The following SLC25A1 variants were observed in gnomAD, a reference collection of about 807,000 sequenced individuals.
SLC25A1 encodes solute carrier family 25 member 1.
In SLC25A1, 26 loss-of-function variants were observed where a neutral mutation model predicts 38.1. That is an observed-to-expected ratio of 0.68 (90% CI 0.50 to 0.95). The LOEUF (loss-of-function observed/expected upper bound fraction) is 0.95, where lower values mean the gene tolerates loss of function less well. Among genes scored for constraint, SLC25A1 ranks in the 40% least tolerant of loss-of-function variants. The pLI, the probability that SLC25A1 is intolerant of heterozygous loss-of-function variation, is 0.00. For missense variants in SLC25A1, 378 were observed against 426.6 expected (o/e 0.89, Z 1.00); for synonymous variants, 211 against 183.2 (o/e 1.15, Z -1.23).
At position 19,177,970 on chromosome 22, in the gene SLC25A1, A is replaced by G. The variant is rs782589426; in HGVS notation, c.274T>C (p.Tyr92His). ...GLYRGLSSLL[Y>H]GSIPKAAVRF... ...ACGGCCGCCTTGGGGATGGAACCGT[A>G]GAGCAGGGAGCTAAGGCCGCGGTAC... The change falls in exon 3 of 9, where the codon TAC becomes CAC. Residue 92 changes from tyrosine (Y) to histidine (H), a missense_variant. Tyr to His is a moderately conservative substitution (Grantham distance 83). Coordinates refer to ENST00000215882, the MANE Select transcript of SLC25A1 (RefSeq NM_005984.5). The G allele has an allele frequency of 6.2e-7, 1 of 1,604,328 alleles. No individual in the cohort carries two copies. The highest frequency in any genetic ancestry group is 1.7e-5 in the Admixed American group (1 of 58,804).
At chr22:19,176,526 C>A (rs782262681) in intron 7 of SLC25A1, 32 bp from the exon 8 acceptor site, 1 of 1,612,852 alleles carries the variant, frequency 6.2e-7, no homozygotes, top group South Asian at 1.1e-5. Context: ...AGGGGCTCAG[C>A]AGCTAGCTCT....
chr22:19,177,887 G>A, intron 3 of SLC25A1, 22 bp from the exon 4 acceptor site: 1 of 1,589,644 alleles, frequency 6.3e-7, no homozygotes, highest in Non-Finnish European at 8.5e-7. Context: ...AGGCGGGTGA[G>A]AGGGGCTGCC....
Position 19,176,885 on chromosome 22 carries a change from G to A in SLC25A1, c.592C>T (p.Arg198Cys), listed in dbSNP as rs374948045. ...CGCAGGGAGGTCATGACGAAGAAGC[G>A]GATGGCCTGGTTCGAGCCCTGCTTC... ...VLKQGSNQAI[R>C]FFVMTSLRNW... Residue 198 changes from arginine (R) to cysteine (C), a missense_variant, in exon 6 of 9, where the codon CGC (arginine) becomes TGC (cysteine). Coordinates refer to ENST00000215882, the MANE Select transcript of SLC25A1 (RefSeq NM_005984.5). 4.3e-6 allele frequency: 7 copies of A among 1,613,762 alleles called. No individual in the cohort carries two copies. The African/African-American group carries it at 5.3e-5, about 12-fold the overall frequency.
Position 19,178,415 on chromosome 22 carries a change from G to A in SLC25A1, c.94+165C>T. 7.2e-7 allele frequency: 1 copy of A among 1,380,096 alleles called. No homozygotes were observed. The highest frequency in any genetic ancestry group is 9.3e-7 in the Non-Finnish European group (1 of 1,072,106). The allele number at this position is 1,380,096 out of a possible 1,614,324, so 85.5% of individuals were successfully genotyped here. A position where few individuals can be genotyped will look rare whatever the true frequency, so the allele number is the denominator to read the frequency against. ...GTTGTCCCGGCGAGGCGCAGGGGGT[G>A]ACAGACGGGAGGCGGGCGAGTCCCA... On this transcript the variant is annotated intron_variant, in intron 1 of 8. Coordinates refer to ENST00000215882, the MANE Select transcript of SLC25A1 (RefSeq NM_005984.5). The surrounding 1 kb of genome is among the most constrained non-coding windows in gnomAD (Gnocchi z 4.9).
intron 4 of SLC25A1, 45 bp downstream of exon 4, chr22:19,177,682 C>T (rs1162788250): frequency 4.4e-6 from 7 of 1,599,984 alleles, no homozygotes; most frequent in African/African-American, 2.7e-5. Flanking sequence ...CCGCCCGTCT[C>T]CGTACTCCCT....
chr22:19,175,586 C>T lies in SLC25A1; in HGVS notation c.*544G>A. 1 of 187,408 alleles carries T rather than the reference C, an allele frequency of 5.3e-6. No homozygotes were observed. The highest frequency in any genetic ancestry group is 1.1e-5 in the Non-Finnish European group (1 of 89,558). 11.6% of individuals were successfully genotyped at this position (187,408 alleles called of 1,614,324 possible). A position where few individuals can be genotyped will look rare whatever the true frequency, so the allele number is the denominator to read the frequency against. Reference sequence around the variant, plus strand: ...ACGAACACAGGACAGGAGGCTGCAACAGGATCCGGTTTATTCTGCCTTGGC... The same window carrying T: ...ACGAACACAGGACAGGAGGCTGCAATAGGATCCGGTTTATTCTGCCTTGGC... On this transcript the variant is annotated 3_prime_UTR_variant, in exon 9 of 9. Coordinates refer to ENST00000215882, the MANE Select transcript of SLC25A1 (RefSeq NM_005984.5).
rs11704767 is a variant in SLC25A1 at position 19,178,054 on chromosome 22, G to T, written c.203-13C>A. On this transcript the variant is annotated splice_polypyrimidine_tract_variant and intron_variant, in intron 2 of 8. Coordinates refer to ENST00000215882, the MANE Select transcript of SLC25A1 (RefSeq NM_005984.5). The surrounding 1 kb of genome is among the most constrained non-coding windows in gnomAD (Gnocchi z 4.9). ...CGCACGCAGTCCCCTGGGGGAGGGG[G>T]CGGTCAGGACCCCACGGCCCTCGGT... The T allele has an allele frequency of 6.4e-6, 10 of 1,574,772 alleles. No homozygotes were observed. The African/African-American group carries it at 1.3e-4, about 21-fold the overall frequency.
rs781929221 is a variant in SLC25A1 at position 19,176,472 on chromosome 22, C to T, written c.770G>A (p.Arg257Gln). 50 of 1,613,720 alleles carry T rather than the reference C, an allele frequency of 3.1e-5. No individual in the cohort carries two copies. In the East Asian group the frequency reaches 3.3e-4, roughly 11 times the overall value. The part of the protein sequence containing the change: ...RMQGLEAHKY[R>Q]NTWDCGLQIL... Reference sequence around the variant, plus strand: ...CTGCAAGCCGCAGTCCCACGTGTTCCGGTATTTGTGCGCCTCCAGGCCCTA... The same window carrying T: ...CTGCAAGCCGCAGTCCCACGTGTTCTGGTATTTGTGCGCCTCCAGGCCCTA... Residue 257 changes from arginine to glutamine, a missense_variant, in exon 8 of 9, where the codon CGG (arginine) becomes CAG (glutamine). Arg to Gln is a conservative substitution (Grantham distance 43, BLOSUM62 1). Coordinates refer to ENST00000215882, the MANE Select transcript of SLC25A1 (RefSeq NM_005984.5).
rs2083951482 is a variant in SLC25A1 at position 19,175,892 on chromosome 22, T to TTCACAGTAAGCA, written c.*237_*238insTGCTTACTGTGA. On this transcript the variant is annotated 3_prime_UTR_variant, in exon 9 of 9. Transcript: ENST00000215882. Reference sequence around the variant, plus strand: ...CAGAACATGAAACACAGGCACAGGGTCATAGGCCAGATGCACATCCAGCCA... The same window carrying TTCACAGTAAGCA: ...CAGAACATGAAACACAGGCACAGGGTTCACAGTAAGCACATAGGCCAGATGCACATCCAGCCA... The TTCACAGTAAGCA allele has an allele frequency of 4.3e-5, 25 of 579,532 alleles. No homozygotes were observed. Among genetic ancestry groups the TTCACAGTAAGCA allele is most frequent in the Non-Finnish European group, 4.7e-5 (15 of 319,860 alleles). 35.9% of individuals were successfully genotyped at this position (579,532 alleles called of 1,614,324 possible).
chr22:19,176,375 G>A, intron 8 of SLC25A1, 46 bp downstream of exon 8: 2 of 1,600,302 alleles, frequency 1.2e-6, no homozygotes, highest in South Asian at 2.2e-5. Flanking sequence ...GGTAGGCCGG[G>A]AAAGGTTTGA....
At position 19,175,794 on chromosome 22, in the gene SLC25A1, G is replaced by C. The variant is rs1167646661; in HGVS notation, c.*336C>G. ...GGGTGGAAGGCACCGGACTGGGACC[G>C]GGCCAGGGCTACAGGGCCGAGGACC... On this transcript the variant is annotated 3_prime_UTR_variant, in exon 9 of 9. Coordinates refer to ENST00000215882, the MANE Select transcript of SLC25A1 (RefSeq NM_005984.5). 5.5e-6 allele frequency: 1 copy of C among 183,170 alleles called. No homozygotes were observed. The highest frequency in any genetic ancestry group is 1.0e-5 in the Non-Finnish European group (1 of 99,290). The allele number at this position is 183,170 out of a possible 1,614,324, so 11.3% of individuals were successfully genotyped here. A position where few individuals can be genotyped will look rare whatever the true frequency, so the allele number is the denominator to read the frequency against.
In SLC25A1 at chr22:19,178,230, C is replaced by A; in HGVS notation, c.105G>T (p.Ala35=). Residue 35 remains alanine, a synonymous_variant, in exon 2 of 9, where the codon GCG becomes GCT. Transcript: ENST00000215882. The surrounding 1 kb of genome is among the most constrained non-coding windows in gnomAD (Gnocchi z 4.9). The stretch of plus-strand genomic sequence containing the variant: ...AGGTGATGCAGATCTCGATGCCACC[C>A]GCCAGGCCGCCTGCAGGGACCGGGA... ...PGKAILAGGL[A]GGIEICITFP... 1 of 1,547,352 alleles carries A rather than the reference C, an allele frequency of 6.5e-7. No homozygotes were observed. The highest frequency in any genetic ancestry group is 8.7e-7 in the Non-Finnish European group (1 of 1,146,232).
Position 19,175,763 on chromosome 22 carries a change from A to G in SLC25A1, c.*367T>C, listed in dbSNP as rs2083948660. ...GGCCCGGAGGCAGCTGTGGTAGGCC[A>G]GGGCAGGGTGGAAGGCACCGGACTG... On this transcript the variant is annotated 3_prime_UTR_variant, in exon 9 of 9. Transcript: ENST00000215882. The G allele has an allele frequency of 4.0e-6, 1 of 250,620 alleles. No homozygotes were observed. The highest frequency in any genetic ancestry group is 4.7e-5 in the South Asian group (1 of 21,320). 15.5% of individuals were successfully genotyped at this position (250,620 alleles called of 1,614,324 possible). A position where few individuals can be genotyped will look rare whatever the true frequency, so the allele number is the denominator to read the frequency against.
Position 19,178,216 on chromosome 22 carries a change from A to C in SLC25A1, c.119T>G (p.Ile40Ser). ...LAGGLAGGIE[I>S]CITFPTEYVK... ...GTACTCGGTGGGGAAGGTGATGCAG[A>C]TCTCGATGCCACCCGCCAGGCCGCC... is the stretch of plus-strand genomic sequence containing the variant. Residue 40 changes from isoleucine (I) to serine (S), a missense_variant, in exon 2 of 9, where the codon ATC becomes AGC. Physicochemically the swap from Ile to Ser is moderately radical, Grantham distance 142 (BLOSUM62 -2). Transcript: ENST00000215882. The surrounding 1 kb of genome is among the most constrained non-coding windows in gnomAD (Gnocchi z 4.9). 1 of 1,550,018 alleles carries C rather than the reference A, an allele frequency of 6.5e-7. No homozygotes were observed. The highest frequency in any genetic ancestry group is 1.2e-5 in the South Asian group (1 of 83,892).
chr22:19,178,017 C>T lies in SLC25A1; in HGVS notation c.227G>A (p.Arg76His), dbSNP rs781924664. ...GIGDCVRQTV[R>H]SHGVLGLYRG... ...GTACAGGCCCAGGACGCCATGGCTG[C>T]GAACCGTCTGCCGCACGCAGTCCCC... Residue 76 changes from arginine (R) to histidine (H), a missense_variant, in exon 3 of 9, where the codon CGC (arginine) becomes CAC (histidine). Coordinates refer to ENST00000215882, the MANE Select transcript of SLC25A1 (RefSeq NM_005984.5). The surrounding 1 kb of genome is among the most constrained non-coding windows in gnomAD (Gnocchi z 4.9). 1 of 1,598,642 alleles carries T rather than the reference C, an allele frequency of 6.3e-7. No homozygotes were observed. The highest frequency in any genetic ancestry group is 8.5e-7 in the Non-Finnish European group (1 of 1,174,928).
chr22:19,177,093 C>A, intron 5 of SLC25A1, 27 bp downstream of exon 5: 1 of 1,610,350 alleles, frequency 6.2e-7, no homozygotes, highest in South Asian at 1.1e-5. Context: ...GGTCCCTGAG[C>A]CCTATCAGGA....
chr22:19,176,039 C>T lies in SLC25A1; in HGVS notation c.*91G>A, dbSNP rs2083953781. ...AGAGCTCGAGGGACGTGGGAAGGGG[C>T]CTTTTGGCACTACTGCACTGGAATC... On this transcript the variant is annotated 3_prime_UTR_variant, in exon 9 of 9. Coordinates refer to ENST00000215882, the MANE Select transcript of SLC25A1 (RefSeq NM_005984.5). 2.0e-6 allele frequency: 2 copies of T among 1,022,742 alleles called. No individual in the cohort carries two copies. Among genetic ancestry groups the T allele is most frequent in the East Asian group, 2.4e-5 (1 of 41,588 alleles). The allele number at this position is 1,022,742 out of a possible 1,614,324, so 63.4% of individuals were successfully genotyped here. A position where few individuals can be genotyped will look rare whatever the true frequency, so the allele number is the denominator to read the frequency against.
chr22:19,176,217 C>T lies in SLC25A1; in HGVS notation c.849G>A (p.Leu283=), dbSNP rs782425773. 1 of 1,613,336 alleles carries T rather than the reference C, an allele frequency of 6.2e-7. No individual in the cohort carries two copies. Among genetic ancestry groups the T allele is most frequent in the Non-Finnish European group, 8.5e-7 (1 of 1,179,976 alleles). The change falls in exon 9 of 9, where the codon CTG becomes CTA. Residue 283 remains leucine (L), a synonymous_variant. Transcript: ENST00000215882. The stretch of plus-strand genomic sequence containing the variant: ...TGGCCACATCCAGGCAGACCCGGCC[C>T]AGGCGGGGGACAGTGCCCTTGTAGA... ...KAFYKGTVPR[L]GRVCLDVAIV...
At position 19,176,464 on chromosome 22, in the gene SLC25A1, A is replaced by G. The variant is rs1043972121; in HGVS notation, c.778T>C (p.Trp260Arg). ...GLEAHKYRNT[W>R]DCGLQILKKE... is the part of the protein sequence containing the mutation. ...TTCAGGATCTGCAAGCCGCAGTCCC[A>G]CGTGTTCCGGTATTTGTGCGCCTCC... is the stretch of plus-strand genomic sequence containing the variant. Residue 260 changes from tryptophan to arginine, a missense_variant, in exon 8 of 9, where the codon TGG becomes CGG. Trp to Arg is a moderately radical substitution (Grantham distance 101). Transcript: ENST00000215882. 1 of 1,613,726 alleles carries G rather than the reference A, an allele frequency of 6.2e-7. No homozygotes were observed. Among genetic ancestry groups the G allele is most frequent in the African/African-American group, 1.3e-5 (1 of 74,996 alleles).
Sources: gnomAD v4.1 joint callset for allele counts on GRCh38, gnomAD v4.1.1 for gene constraint, Gnocchi (gnomAD v3.1) non-coding constraint, MANE v1.5 for transcripts, NCBI Gene and HGNC (gene_info 2026-07-23, HGNC 2026-07-21) for gene names.